Variants in DNAL1 observed in about 807,000 individuals in gnomAD.
DNAL1 encodes the protein dynein axonemal light chain 1, also known as chromosome 14 open reading frame 168.
In DNAL1, 17 loss-of-function variants were observed where a neutral mutation model predicts 29.4. The ratio of observed to expected loss-of-function variants is 0.58; its 90% confidence interval spans 0.40 to 0.87. DNAL1 has a LOEUF of 0.87. Ranked by LOEUF, DNAL1 falls within the 40% of genes least tolerant of loss-of-function variation. The probability of loss-of-function intolerance (pLI) is 0.00; values close to 1 mark genes in which losing one functional copy is unlikely to be tolerated. For synonymous variants in DNAL1, 78 were observed against 76.3 expected, an observed-to-expected ratio of 1.02 and a Z score of -0.12; for missense variants, 188 against 214.1, an observed-to-expected ratio of 0.88 and a Z score of 0.76.
At chr14:73,665,518 C>T (rs971442332) in intron 4 of DNAL1, among the ~76,000 whole-genome samples, 2 of 152,002 alleles carry the variant, frequency 1.3e-5, no homozygotes, top group African/African-American at 4.8e-5. Flanking sequence ...GGGCTGGGCA[C>T]GGTGGCTCAC....
At chr14:73,660,144 GGT>G (rs1891311197) in intron 3 of DNAL1, among the ~76,000 whole-genome samples, 5 of 151,984 alleles carry the variant, frequency 3.3e-5, no homozygotes, top group African/African-American at 1.2e-4. Flanking sequence ...TGGCCAGGCT[GGT>G]CTCGAACTCC....
At position 73,689,533 on chromosome 14, in the gene DNAL1, G is replaced by A. The variant is rs774402568; in HGVS notation, c.532+18G>A. On this transcript the variant is annotated intron_variant, in intron 7 of 7. Coordinates refer to ENST00000553645, the MANE Select transcript of DNAL1 (RefSeq NM_031427.4). ...GCTGGATGGTGAGTGATTCTGAGCTGGCTTAGACATATCTTCTAGGCATAA... is the reference window on the plus strand; with the variant it reads ...GCTGGATGGTGAGTGATTCTGAGCTAGCTTAGACATATCTTCTAGGCATAA... 2 of 1,584,548 alleles carry A rather than the reference G, an allele frequency of 1.3e-6. No homozygotes were observed. The highest frequency in any genetic ancestry group is 2.3e-5 in the East Asian group (1 of 43,874).
rs1382258006 is a variant in DNAL1 at position 73,701,988 on chromosome 14, T to C, written c.*6046T>C. On this transcript the variant is annotated 3_prime_UTR_variant, in exon 8 of 8. Transcript: ENST00000553645. ...ATTTTTGGTACATGATTATTAGTTT[T>C]AGCTAATATAGAGCAATTATATAAA... The C allele has an allele frequency of 6.6e-6, 1 of 152,106 alleles. No homozygotes were observed. The highest frequency in any genetic ancestry group is 1.5e-5 in the Non-Finnish European group (1 of 68,006). The allele number at this position is 152,106 out of a possible 1,614,324, so 9.4% of individuals were successfully genotyped here.
intron 5 of DNAL1, among the ~76,000 whole-genome samples, chr14:73,676,858 G>A (rs1891744204): frequency 6.6e-6 from 1 of 151,658 alleles, no homozygotes; most frequent in African/African-American, 2.4e-5. Context: ...ATTTTTGATA[G>A]GTACCTCAAA....
intron 2 of DNAL1, 103 bp downstream of exon 2, chr14:73,654,988 G>T: frequency 8.5e-7 from 1 of 1,177,182 alleles, no homozygotes; most frequent in East Asian, 2.6e-5. Context: ...TTTGGTATTG[G>T]AACTATTCAG....
intron 4 of DNAL1, among the ~76,000 whole-genome samples, chr14:73,665,748 G>A (rs564762226): frequency 1.8e-4 from 27 of 151,138 alleles, no homozygotes; most frequent in Non-Finnish European, 3.4e-4. Flanking sequence ...CTGAGATCAC[G>A]CTACTGTACT....
rs142809291 is a variant in DNAL1 at position 73,672,303 on chromosome 14, G to GT, written c.264+706_264+707insT. On this transcript the variant is annotated intron_variant, in intron 5 of 7. Coordinates refer to ENST00000553645, the MANE Select transcript of DNAL1 (RefSeq NM_031427.4). ...AGAGGTACTGATGAGTTTATAAAAT[G>GT]CTGGAAATTCTTAAGGGTCAGGCTG... Among the ~76,000 whole-genome samples, 1,227 of 152,254 alleles carry GT rather than the reference G, an allele frequency of 8.1e-3. 24 individuals carry two copies. The highest frequency in any genetic ancestry group is 0.028 in the African/African-American group (1,163 of 41,552).
intron 2 of DNAL1, among the ~76,000 whole-genome samples, chr14:73,657,568 TTTA>T (rs1191890847): frequency 6.6e-6 from 1 of 152,164 alleles, no homozygotes; most frequent in East Asian, 1.9e-4. Flanking sequence ...CCTCACTCTG[TTTA>T]TTGTTTCCTC....
rs2140073236 is a variant in DNAL1 at position 73,702,090 on chromosome 14, T to G, written c.*6148T>G. 6.6e-6 allele frequency: 1 copy of G among 150,820 alleles called. No homozygotes were observed. Among genetic ancestry groups the G allele is most frequent in the African/African-American group, 2.5e-5 (1 of 40,744 alleles). 9.3% of individuals were successfully genotyped at this position (150,820 alleles called of 1,614,324 possible). On this transcript the variant is annotated 3_prime_UTR_variant, in exon 8 of 8. Transcript: ENST00000553645. ...ATGCAGTTTGTGTGGTGTGTGTGTG[T>G]GTGTGTGTGTGTGTGCACGTGCATG...
intron 6 of DNAL1, among the ~76,000 whole-genome samples, chr14:73,687,624 G>A (rs1892050899): frequency 1.3e-5 from 2 of 152,194 alleles, no homozygotes; most frequent in Non-Finnish European, 2.9e-5. Context: ...TGTAATCCCA[G>A]AACTTTGGGA....
At chr14:73,673,786 G>C (rs574720916) in intron 5 of DNAL1, among the ~76,000 whole-genome samples, 1 of 151,774 alleles carries the variant, frequency 6.6e-6, no homozygotes, top group South Asian at 2.1e-4. Flanking sequence ...CCAGCTACTC[G>C]GGGAGGCTGA....
At chr14:73,662,896 G>A (rs1327823672) in intron 4 of DNAL1, among the ~76,000 whole-genome samples, 1 of 149,428 alleles carries the variant, frequency 6.7e-6, no homozygotes, top group Non-Finnish European at 1.5e-5. Flanking sequence ...CCATTGTTTA[G>A]CCTACCACAG....
At chr14:73,650,661 G>A (rs959894800) in intron 1 of DNAL1, among the ~76,000 whole-genome samples, 1 of 151,758 alleles carries the variant, frequency 6.6e-6, no homozygotes, top group Non-Finnish European at 1.5e-5. Context: ...TATTTTTGGA[G>A]ACGGGAGTCT....
At chr14:73,647,124 C>T (rs561973589) in intron 1 of DNAL1, among the ~76,000 whole-genome samples, 16 of 151,686 alleles carry the variant, frequency 1.1e-4, no homozygotes, top group Non-Finnish European at 2.2e-4. Flanking sequence ...TTTGGTAGGC[C>T]GAGGTGGGCG....
intron 1 of DNAL1, among the ~76,000 whole-genome samples, chr14:73,650,560 C>T (rs1891091818): frequency 6.6e-6 from 1 of 152,128 alleles, no homozygotes; most frequent in South Asian, 2.1e-4. Context: ...GAAATAAATG[C>T]ATTTCTCCAT....
rs752695668 is a variant in DNAL1, at chr14:73,687,288, G to A, written c.294G>A (p.Leu98=). The change falls in exon 6 of 8, where the codon CTG becomes CTA. Residue 98 remains leucine, a synonymous_variant. Coordinates refer to ENST00000553645, the MANE Select transcript of DNAL1 (RefSeq NM_031427.4). ...CAGTAGGGGACACATTAGAAGAACT[G>A]TGGATCTCCTACAATTTTATTGAGA... The part of the protein sequence containing the change: ...LEAVGDTLEE[L]WISYNFIEKL... The A allele has an allele frequency of 9.9e-6, 16 of 1,613,108 alleles. No homozygotes were observed. Among genetic ancestry groups the A allele is most frequent in the South Asian group, 3.3e-5 (3 of 91,006 alleles).
chr14:73,691,309 G>T (rs1428568901), intron 7 of DNAL1, among the ~76,000 whole-genome samples: 1 of 152,120 alleles, frequency 6.6e-6, no homozygotes, highest in Non-Finnish European at 1.5e-5. Context: ...TAGCACTTTG[G>T]GAGGCCGAGG....
chr14:73,685,266 T>C (rs545339102), intron 5 of DNAL1, among the ~76,000 whole-genome samples: 1 of 152,290 alleles, frequency 6.6e-6, no homozygotes, highest in East Asian at 1.9e-4. Context: ...ATACAGTAGC[T>C]TCCTACTGCC....
In DNAL1 at chr14:73,692,335, AGC is replaced by A. The variant is rs1231908180; in HGVS notation, c.532+2821_532+2822del. Among the ~76,000 whole-genome samples the A allele has an allele frequency of 8.0e-3, 1,220 of 152,088 alleles. 21 individuals are homozygous for A. Among genetic ancestry groups the A allele is most frequent in the African/African-American group, 0.028 (1,156 of 41,512 alleles). On this transcript the variant is annotated intron_variant, in intron 7 of 7. Transcript: ENST00000553645. Reference sequence around the variant, plus strand: ...TGTCTCTACTAAAAATACAAAAATTAGCTGCGTGTGGTGGCAGGCGCCTATAA... The same window carrying A: ...TGTCTCTACTAAAAATACAAAAATTATGCGTGTGGTGGCAGGCGCCTATAA...
Sources: gnomAD v4.1 joint callset for allele counts (sites outside exome capture counted in the v4.1 genomes callset) on GRCh38, gnomAD v4.1.1 for gene constraint, MANE v1.5 for transcripts, NCBI Gene and HGNC (gene_info 2026-07-23, HGNC 2026-07-21) for gene names.